Variants in GPC3 observed in about 807,000 individuals in gnomAD.
GPC3 encodes glypican 3.
In GPC3, 3 loss-of-function variants were observed where a neutral mutation model predicts 34.4. That is an observed-to-expected ratio of 0.09 (90% CI 0.04 to 0.23). GPC3 has a LOEUF of 0.23. Among genes scored for constraint, GPC3 ranks in the 10% least tolerant of loss-of-function variants. The probability of loss-of-function intolerance (pLI) is 1.00; values close to 1 mark genes in which losing one functional copy is unlikely to be tolerated. For missense variants in GPC3, 351 were observed against 445.6 expected (o/e 0.79, Z 1.91); for synonymous variants, 177 against 174.0 (o/e 1.02, Z -0.13).
At chrX:133,763,201 G>A in intron 2 of GPC3, 9 of 632,444 alleles carry the variant, frequency 1.4e-5, no homozygotes, top group Non-Finnish European at 2.4e-5. Flanking sequence ...GCCTCTCACA[G>A]AGGCATCTTA....
At chrX:133,557,211 G>A (rs1251314411) in intron 7 of GPC3, among the ~76,000 whole-genome samples, 17 of 110,884 alleles carry the variant, frequency 1.5e-4, no homozygotes, top group Non-Finnish European at 3.0e-4. Context: ...GGAGAATGGC[G>A]TGAACCTGGG....
chrX:133,923,450 C>A (rs2076260792), intron 2 of GPC3, among the ~76,000 whole-genome samples: 1 of 111,535 alleles, frequency 9.0e-6, no homozygotes, highest in African/African-American at 3.3e-5. Context: ...CCCCACCCCA[C>A]CCCCATCCTG....
intron 2 of GPC3, among the ~76,000 whole-genome samples, chrX:133,833,485 C>T (rs1328052072): frequency 1.8e-5 from 2 of 111,409 alleles, no homozygotes; most frequent in Non-Finnish European, 3.8e-5. Flanking sequence ...AACAAACAGA[C>T]GCTGAGCACT....
At chrX:133,785,723 C>T (rs1282042183) in intron 2 of GPC3, among the ~76,000 whole-genome samples, 2 of 111,733 alleles carry the variant, frequency 1.8e-5, no homozygotes, top group African/African-American at 3.3e-5. Flanking sequence ...TGAAAGATAT[C>T]GATGTAATAA....
At chrX:133,797,762 G>T (rs781633145) in intron 2 of GPC3, among the ~76,000 whole-genome samples, 123 of 110,444 alleles carry the variant, frequency 1.1e-3, no homozygotes, top group African/African-American at 3.8e-3. Context: ...CCCAGGAGGC[G>T]AAAGTTGCAG....
intron 1 of GPC3, among the ~76,000 whole-genome samples, chrX:133,968,968 A>G (rs2076477291): frequency 9.0e-6 from 1 of 110,798 alleles, no homozygotes; most frequent in South Asian, 3.9e-4. Flanking sequence ...TTAAATTTGT[A>G]TAATGAGCAT....
intron 1 of GPC3, among the ~76,000 whole-genome samples, chrX:133,955,420 C>G (rs2076412357): frequency 9.0e-6 from 1 of 111,206 alleles, no homozygotes; most frequent in African/African-American, 3.3e-5. Context: ...TTTCCGGCCT[C>G]CTTCAGCTCC....
At chrX:133,871,352 G>C in intron 2 of GPC3, among the ~76,000 whole-genome samples, 1 of 111,529 alleles carries the variant, frequency 9.0e-6, no homozygotes, top group East Asian at 2.8e-4. Context: ...AATTCTATCA[G>C]TTCTCTTTTC....
intron 2 of GPC3, among the ~76,000 whole-genome samples, chrX:133,796,937 T>C (rs1486451423): frequency 1.8e-5 from 2 of 111,428 alleles, no homozygotes; most frequent in African/African-American, 6.5e-5. Flanking sequence ...GTGCTCAGCA[T>C]CAAGTCACCC....
At chrX:133,785,175 G>T (rs779948419) in intron 2 of GPC3, among the ~76,000 whole-genome samples, 1 of 111,281 alleles carries the variant, frequency 9.0e-6, no homozygotes, top group East Asian at 2.8e-4. Flanking sequence ...TTTTACCCCA[G>T]GTCTGATTCT....
chrX:133,976,811 G>A (rs768702463), intron 1 of GPC3, among the ~76,000 whole-genome samples: 125 of 109,700 alleles, frequency 1.1e-3, no homozygotes, highest in African/African-American at 3.8e-3. Flanking sequence ...CCAGCTACTC[G>A]GGTAGCTGAG....
At chrX:133,949,840 T>G (rs972966379) in intron 2 of GPC3, among the ~76,000 whole-genome samples, 3 of 112,207 alleles carry the variant, frequency 2.7e-5, no homozygotes, top group African/African-American at 9.7e-5. Flanking sequence ...TCAATTTTGT[T>G]TTACCTCAAG....
chrX:133,827,732 G>A (rs991058060), intron 2 of GPC3, among the ~76,000 whole-genome samples: 5 of 109,408 alleles, frequency 4.6e-5, no homozygotes, highest in Non-Finnish European at 9.5e-5. Flanking sequence ...GCAGTGAGCC[G>A]AGATCACGCC....
intron 6 of GPC3, among the ~76,000 whole-genome samples, chrX:133,645,357 A>G (rs2070531325): frequency 8.9e-6 from 1 of 111,741 alleles, no homozygotes; most frequent in Admixed American, 9.5e-5. Context: ...GTTGTCTACC[A>G]TACTGGGGAG....
intron 6 of GPC3, among the ~76,000 whole-genome samples, chrX:133,661,206 T>C (rs990327193): frequency 1.8e-5 from 2 of 110,093 alleles, no homozygotes; most frequent in Non-Finnish European, 3.8e-5. Context: ...ACAAAAAGAT[T>C]TGTGACAACA....
intron 7 of GPC3, among the ~76,000 whole-genome samples, chrX:133,585,520 G>GCC (rs1014239843): frequency 9.0e-6 from 1 of 111,551 alleles, no homozygotes; most frequent in Non-Finnish European, 1.9e-5. Context: ...AACAGCACAG[G>GCC]TTTAATCAGA....
At chrX:133,739,780 G>A (rs2071547128) in intron 3 of GPC3, among the ~76,000 whole-genome samples, 1 of 112,169 alleles carries the variant, frequency 8.9e-6, no homozygotes, top group Non-Finnish European at 1.9e-5. Flanking sequence ...ATGGGGCAAG[G>A]GGTGAGGTGG....
chrX:133,981,557 A>G (rs1319340914), intron 1 of GPC3, among the ~76,000 whole-genome samples: 1 of 111,980 alleles, frequency 8.9e-6, no homozygotes, highest in Non-Finnish European at 1.9e-5. Flanking sequence ...TGTATTGTTC[A>G]AAGTTTCAAA....
At chrX:133,964,119 A>C (rs2076452889) in intron 1 of GPC3, among the ~76,000 whole-genome samples, 1 of 112,079 alleles carries the variant, frequency 8.9e-6, no homozygotes, top group Non-Finnish European at 1.9e-5. Flanking sequence ...CCCCACAGCC[A>C]TAAATGTTAG....
Sources: gnomAD v4.1 joint callset for allele counts (sites outside exome capture counted in the v4.1 genomes callset) on GRCh38, gnomAD v4.1.1 for gene constraint, MANE v1.5 for transcripts, NCBI Gene and HGNC (gene_info 2026-07-23, HGNC 2026-07-21) for gene names.